The following CORO2B variants were observed in gnomAD, a reference collection of about 807,000 sequenced individuals.
CORO2B encodes coronin-2B.
CORO2B carries 26 observed loss-of-function variants against 58.8 expected under a neutral mutation model. That is an observed-to-expected ratio of 0.44 (90% CI 0.32 to 0.61). The LOEUF (loss-of-function observed/expected upper bound fraction) is 0.61. CORO2B is among the 20% of genes least tolerant of loss of function. The pLI is 0.04. For missense variants in CORO2B, 460 were observed against 645.1 expected, an observed-to-expected ratio of 0.71 and a Z score of 3.11; for synonymous variants, 242 against 253.8, an observed-to-expected ratio of 0.95 and a Z score of 0.44.
intron 1 of CORO2B, among the ~76,000 whole-genome samples, chr15:68,594,738 A>G (rs997327434): frequency 2.0e-5 from 3 of 152,220 alleles, no homozygotes; most frequent in Non-Finnish European, 4.4e-5. Flanking sequence ...GAAGTGAGAC[A>G]GAGCCTGTGT....
chr15:68,679,932 G>T (rs1902721086), intron 2 of CORO2B, among the ~76,000 whole-genome samples: 1 of 152,214 alleles, frequency 6.6e-6, no homozygotes, highest in African/African-American at 2.4e-5. Flanking sequence ...ATGGAGCAAG[G>T]CTGAAGTTCT....
intron 2 of CORO2B, among the ~76,000 whole-genome samples, chr15:68,675,653 A>T (rs986845981): frequency 2.6e-5 from 4 of 152,192 alleles, no homozygotes; most frequent in Non-Finnish European, 5.9e-5. Context: ...ATGTTTATAG[A>T]TCTATTTTTG....
the CORO2B span, among the ~76,000 whole-genome samples, chr15:68,573,278 AAG>A: frequency 6.6e-6 from 1 of 152,190 alleles, no homozygotes; most frequent in East Asian, 1.9e-4. Context: ...CAAAGAGAGA[AAG>A]AGACTAGCAG....
intron 1 of CORO2B, among the ~76,000 whole-genome samples, chr15:68,629,509 C>T (rs1900770556): frequency 6.6e-6 from 1 of 152,168 alleles, no homozygotes; most frequent in African/African-American, 2.4e-5. Flanking sequence ...CAGACTATGC[C>T]AGTGGTTTGG....
intron 1 of CORO2B, among the ~76,000 whole-genome samples, chr15:68,632,613 CAG>C (rs1482707340): frequency 1.3e-5 from 2 of 152,160 alleles, no homozygotes; most frequent in African/African-American, 2.4e-5. Flanking sequence ...TTTTTGGAGA[CAG>C]AGTCTTGCTC....
At position 68,711,562 on chromosome 15, in the gene CORO2B, T is replaced by G. The variant is rs1306864139; in HGVS notation, c.504T>G (p.Asp168Glu). 2 of 1,612,972 alleles carry G rather than the reference T, an allele frequency of 1.2e-6. No homozygotes were observed. Among genetic ancestry groups the G allele is most frequent in the Non-Finnish European group, 1.7e-6 (2 of 1,179,252 alleles). ...CGCAGGTCCTCATCTGGAACCTGGA[T>G]GTGGGTGAGCCGGTGAAGATGATTG... ...YDYKVLIWNLDVGEPVKMIDC... is the reference protein window; with the variant it reads ...YDYKVLIWNLEVGEPVKMIDC... The change falls in exon 5 of 12, where the codon GAT (aspartate) becomes GAG (glutamate). Residue 168 changes from aspartate (D) to glutamate (E), a missense_variant. By Grantham distance (45) the Asp-to-Glu change is conservative. This residue lies in a region of CORO2B where 352 missense variants were observed against 543.0 expected (regional missense o/e 0.65). Coordinates refer to ENST00000261861, the MANE Select transcript of CORO2B (RefSeq NM_006091.5).
At chr15:68,714,520 C>T in intron 6 of CORO2B, 39 bp from the exon 7 acceptor site, 1 of 1,536,408 alleles carries the variant, frequency 6.5e-7, no homozygotes, top group Non-Finnish European at 9.0e-7. Context: ...GTATGCCATC[C>T]TGCCTGCAGA....
At chr15:68,611,465 A>T (rs79717893) in intron 1 of CORO2B, among the ~76,000 whole-genome samples, 3,356 of 152,208 alleles carry the variant, frequency 0.022, 47 homozygotes, top group Non-Finnish European at 0.036. Flanking sequence ...ACAACATGGC[A>T]TCAGGAGCGT....
At chr15:68,723,542 C>G (rs545088357) in intron 11 of CORO2B, among the ~76,000 whole-genome samples, 3 of 152,210 alleles carry the variant, frequency 2.0e-5, no homozygotes, top group African/African-American at 4.8e-5. Context: ...GCAACCTCCA[C>G]CTCCCGGGTT....
intron 2 of CORO2B, among the ~76,000 whole-genome samples, chr15:68,670,625 A>G (rs966627918): frequency 1.3e-5 from 2 of 152,254 alleles, no homozygotes; most frequent in African/African-American, 4.8e-5. Context: ...ATAAACACCA[A>G]TACACCATTA....
chr15:68,696,504 G>A (rs1162461682), intron 3 of CORO2B, among the ~76,000 whole-genome samples: 1 of 142,296 alleles, frequency 7.0e-6, no homozygotes, highest in East Asian at 2.1e-4. Context: ...AGCTGAGATC[G>A]TGCCACTGCA....
chr15:68,719,627 C>T (rs935264528), intron 11 of CORO2B, 75 bp downstream of exon 11: 3 of 1,487,162 alleles, frequency 2.0e-6, no homozygotes, highest in East Asian at 2.3e-5. Flanking sequence ...GGGCTTCAGG[C>T]CTTTAAGCCA....
In CORO2B at chr15:68,645,655, C is replaced by G. The variant is rs1901401186; in HGVS notation, c.216+295C>G. 6.6e-6 allele frequency among the ~76,000 whole-genome samples: 1 copy of G among 152,172 alleles called. No homozygotes were observed. The highest frequency in any genetic ancestry group is 1.5e-5 in the Non-Finnish European group (1 of 68,038). On this transcript the variant is annotated intron_variant, in intron 2 of 11. Transcript: ENST00000261861. The surrounding 1 kb of genome is among the most constrained non-coding windows in gnomAD (Gnocchi z 4.5). ...CCATTCCCTGAGGGAGTGGAACACTCTGATCTCCAAGACCAAGTCTAGCTC... is the reference window on the plus strand; with the variant it reads ...CCATTCCCTGAGGGAGTGGAACACTGTGATCTCCAAGACCAAGTCTAGCTC...
At chr15:68,616,974 G>T (rs1481197001) in intron 1 of CORO2B, among the ~76,000 whole-genome samples, 1 of 152,228 alleles carries the variant, frequency 6.6e-6, no homozygotes, top group Non-Finnish European at 1.5e-5. Flanking sequence ...CAAACACTAG[G>T]TATTTAACTT....
upstream of CORO2B, among the ~76,000 whole-genome samples, chr15:68,577,243 C>G (rs615188): frequency 0.92 from 139,848 of 152,216 alleles, 64,522 homozygotes; most frequent in East Asian, 1. Context: ...ATGGACCCTG[C>G]AGTTCACGGA....
chr15:68,581,624 G>T (rs1899427188), intron 1 of CORO2B, among the ~76,000 whole-genome samples: 1 of 152,162 alleles, frequency 6.6e-6, no homozygotes, highest in Non-Finnish European at 1.5e-5. Flanking sequence ...GGCCTCTTCT[G>T]CTGAGCCTTG....
the CORO2B span, among the ~76,000 whole-genome samples, chr15:68,559,982 G>A: frequency 4.6e-5 from 7 of 152,216 alleles, no homozygotes; most frequent in Admixed American, 3.9e-4. This position sits in a 1 kb window ranked among gnomAD's most constrained non-coding sequence, Gnocchi z 4.3. Flanking sequence ...GACGACTGGC[G>A]GGGAGAGCCT....
intron 1 of CORO2B, among the ~76,000 whole-genome samples, chr15:68,588,674 C>T (rs1461513224): frequency 6.6e-6 from 1 of 152,170 alleles, no homozygotes; most frequent in African/African-American, 2.4e-5. Context: ...AAGGAATAGC[C>T]TCTACTAGCT....
chr15:68,676,020 A>G (rs1567005005), intron 2 of CORO2B, among the ~76,000 whole-genome samples: 1 of 152,214 alleles, frequency 6.6e-6, no homozygotes, highest in African/African-American at 2.4e-5. Context: ...GAAATTGATT[A>G]GGGAAGGGGA....
Sources: gnomAD v4.1 joint callset for allele counts (sites outside exome capture counted in the v4.1 genomes callset) on GRCh38, gnomAD v4.1.1 for gene constraint, gnomAD v4.1.1 regional missense constraint, Gnocchi (gnomAD v3.1) non-coding constraint, MANE v1.5 for transcripts, NCBI Gene and HGNC (gene_info 2026-07-23, HGNC 2026-07-21) for gene names.